NCOA3: variants seen among roughly 807,000 people sequenced by gnomAD.
The protein encoded by NCOA3 is nuclear receptor coactivator 3, also known as CBP-interacting protein.
Under a neutral mutation model 158.8 loss-of-function variants are expected in NCOA3, and 51 were observed. The ratio of observed to expected loss-of-function variants is 0.32; its 90% CI spans 0.26 to 0.41. NCOA3 has a LOEUF of 0.41. Among genes scored for constraint, NCOA3 ranks in the 10% least tolerant of loss-of-function variants. The pLI is 1.00. For synonymous variants in NCOA3, 537 were observed against 592.4 expected (o/e 0.91, Z 1.36); for missense variants, 1,510 against 1,746.6 (o/e 0.86, Z 2.41).
At chr20:47,620,219 T>C (rs2086215775) in intron 2 of NCOA3, among the ~76,000 whole-genome samples, 1 of 152,154 alleles carries the variant, frequency 6.6e-6, no homozygotes. Context: ...ACAAGCAGTC[T>C]TCCTGTTTTA....
At chr20:47,516,237 G>T (rs1040017270) in intron 1 of NCOA3, among the ~76,000 whole-genome samples, 1 of 152,168 alleles carries the variant, frequency 6.6e-6, no homozygotes, top group Non-Finnish European at 1.5e-5. Flanking sequence ...TCAAGATGGT[G>T]GGGGGATGGT....
At chr20:47,616,684 G>T (rs1044236636) in intron 2 of NCOA3, among the ~76,000 whole-genome samples, 1 of 152,158 alleles carries the variant, frequency 6.6e-6, no homozygotes, top group African/African-American at 2.4e-5. Flanking sequence ...AAAATGAGAA[G>T]TTCTTCCTTC....
intron 1 of NCOA3, among the ~76,000 whole-genome samples, chr20:47,532,056 A>G (rs2084555302): frequency 6.6e-6 from 1 of 152,018 alleles, no homozygotes; most frequent in Non-Finnish European, 1.5e-5. Context: ...TGTTAGGAAT[A>G]TACCAGTGAC....
chr20:47,507,894 C>G (rs774266790), intron 1 of NCOA3, among the ~76,000 whole-genome samples: 22 of 152,152 alleles, frequency 1.4e-4, no homozygotes, highest in Non-Finnish European at 2.6e-4. Flanking sequence ...GCTGGAATTA[C>G]AGGTGTGAGC....
intron 16 of NCOA3, among the ~76,000 whole-genome samples, chr20:47,640,653 G>A (rs556252813): frequency 4.6e-5 from 7 of 151,766 alleles, no homozygotes; most frequent in African/African-American, 1.7e-4. Context: ...GGCCGAGGCG[G>A]GCAGATCACA....
At chr20:47,529,105 A>AATTT (rs768158907) in intron 1 of NCOA3, among the ~76,000 whole-genome samples, 1 of 149,598 alleles carries the variant, frequency 6.7e-6, no homozygotes, top group African/African-American at 2.5e-5. Context: ...TACTCAACTC[A>AATTT]ATTTATTTAT....
rs115565065 is a variant in NCOA3 at position 47,577,479 on chromosome 20, T to C, written c.-98-5704T>C. Reference sequence around the variant, plus strand: ...AGGGTAGTTTTTCTCTATTCTTTCCTTATACTCTCATGGGACTCTGGTCTT... The same window carrying C: ...AGGGTAGTTTTTCTCTATTCTTTCCCTATACTCTCATGGGACTCTGGTCTT... On this transcript the variant is annotated intron_variant, in intron 1 of 22. Coordinates refer to ENST00000371998, the MANE Select transcript of NCOA3 (RefSeq NM_181659.3). 7.6e-3 allele frequency among the ~76,000 whole-genome samples: 1,165 copies of C among 152,336 alleles called. 16 individuals are homozygous for C. The highest frequency in any genetic ancestry group is 0.025 in the African/African-American group (1,042 of 41,586).
intron 3 of NCOA3, among the ~76,000 whole-genome samples, chr20:47,622,546 C>T (rs145326654): frequency 2.6e-5 from 4 of 151,778 alleles, no homozygotes; most frequent in East Asian, 1.9e-4. Flanking sequence ...ATTAACAATT[C>T]GCGGTACTAT....
At chr20:47,607,134 A>G (rs980190730) in intron 2 of NCOA3, among the ~76,000 whole-genome samples, 2 of 152,242 alleles carry the variant, frequency 1.3e-5, no homozygotes, top group African/African-American at 2.4e-5. Context: ...TTAATGAGAC[A>G]GCATGAAAAT....
chr20:47,538,282 T>A (rs1436280007), intron 1 of NCOA3, among the ~76,000 whole-genome samples: 1 of 152,214 alleles, frequency 6.6e-6, no homozygotes, highest in Non-Finnish European at 1.5e-5. Context: ...TCTTTTGGTC[T>A]GGACTGCTAT....
At chr20:47,522,227 G>A (rs1211115466) in intron 1 of NCOA3, among the ~76,000 whole-genome samples, 3 of 148,114 alleles carry the variant, frequency 2.0e-5, no homozygotes, top group South Asian at 4.3e-4. Flanking sequence ...CTCAGCCTCC[G>A]GAGTAGCCGG....
intron 5 of NCOA3, 102 bp downstream of exon 5, chr20:47,625,583 A>G: frequency 1.3e-6 from 1 of 797,798 alleles, no homozygotes. Context: ...ATGAGAACAA[A>G]AAGAAAACAT....
At chr20:47,542,240 A>G (rs903868448) in intron 1 of NCOA3, among the ~76,000 whole-genome samples, 1 of 148,228 alleles carries the variant, frequency 6.7e-6, no homozygotes, top group East Asian at 2.0e-4. Flanking sequence ...GGCTCTTGCT[A>G]TGTTACTCAG....
At chr20:47,547,021 C>T (rs1021795078) in intron 1 of NCOA3, among the ~76,000 whole-genome samples, 11 of 152,186 alleles carry the variant, frequency 7.2e-5, no homozygotes, top group African/African-American at 2.7e-4. Context: ...CTTAATGAGG[C>T]CCACCCTTAC....
chr20:47,633,955 A>G, intron 9 of NCOA3, 93 bp from the exon 10 acceptor site: 1 of 1,446,854 alleles, frequency 6.9e-7, no homozygotes, highest in South Asian at 1.3e-5. Flanking sequence ...GATTTTTAGA[A>G]ATGTACTTGA....
intron 1 of NCOA3, among the ~76,000 whole-genome samples, chr20:47,563,544 A>T (rs1408320062): frequency 1.3e-5 from 2 of 152,190 alleles, no homozygotes; most frequent in Non-Finnish European, 2.9e-5. Context: ...ATTAAATTTG[A>T]GTGCAGGCTG....
At chr20:47,513,766 C>G (rs2146060995) in intron 1 of NCOA3, among the ~76,000 whole-genome samples, 1 of 149,162 alleles carries the variant, frequency 6.7e-6, no homozygotes, top group East Asian at 2.0e-4. Flanking sequence ...AACTGTAAAT[C>G]AAACTGATAT....
intron 1 of NCOA3, among the ~76,000 whole-genome samples, chr20:47,521,218 G>C (rs1172120030): frequency 6.6e-6 from 1 of 152,230 alleles, no homozygotes; most frequent in Non-Finnish European, 1.5e-5. Context: ...CCACAAGGGG[G>C]CGGGGTGCAC....
intron 1 of NCOA3, among the ~76,000 whole-genome samples, chr20:47,555,064 A>G (rs1179133102): frequency 1.3e-5 from 2 of 152,218 alleles, no homozygotes; most frequent in African/African-American, 4.8e-5. Context: ...CATATCTACA[A>G]GTATCTGATC....
Sources: allele counts gnomAD v4.1 joint callset (sites outside exome capture counted in the v4.1 genomes callset), GRCh38; gene constraint gnomAD v4.1.1; transcripts MANE v1.5; gene names NCBI Gene and HGNC (gene_info 2026-07-23, HGNC 2026-07-21).